GPR55: variants seen among roughly 807,000 people sequenced by gnomAD.
GPR55 encodes the protein G protein-coupled receptor 55, also known as G-protein coupled receptor 55.
Under a neutral mutation model 7.9 loss-of-function variants are expected in GPR55, and 6 were observed. The observed-to-expected ratio is 0.76, with a 90% confidence interval of 0.41 to 1.49. The LOEUF (loss-of-function observed/expected upper bound fraction) is 1.49. Ranked by LOEUF, GPR55 falls within the 40% of genes most tolerant of loss-of-function variation. GPR55 has a pLI of 0.01. For missense variants in GPR55, 376 were observed against 406.0 expected (o/e 0.93, Z 0.63); for synonymous variants, 183 against 166.8 (o/e 1.10, Z -0.75).
chr2:230,934,646 G>A lies in GPR55; in HGVS notation c.-134-23550C>T, dbSNP rs1407088445. On this transcript the variant is annotated intron_variant, in intron 1 of 1. Coordinates refer to the GPR55 transcript ENST00000392039. ...TGGGCAGGAGTCAGCCTCCCCTGGGGAAGATTAGCATCCGGACGCCTCGGG... is the reference window on the plus strand; with the variant it reads ...TGGGCAGGAGTCAGCCTCCCCTGGGAAAGATTAGCATCCGGACGCCTCGGG... Among the ~76,000 whole-genome samples the A allele has an allele frequency of 3.3e-5, 5 of 152,312 alleles. No individual in the cohort carries two copies. In the Middle Eastern group the frequency reaches 0.01, roughly 311 times the overall value.
rs748482833 is a variant in GPR55, at chr2:230,910,412, G to A, written c.551C>T (p.Pro184Leu). 36 of 1,613,870 alleles carry A rather than the reference G, an allele frequency of 2.2e-5. No individual in the cohort carries two copies. The highest frequency in any genetic ancestry group is 1.3e-4 in the African/African-American group (10 of 74,906). The change falls in exon 2 of 2, where the codon CCG (proline) becomes CTG (leucine). Residue 184 changes from proline (P) to leucine (L), a missense_variant. Pro to Leu is a moderately conservative substitution (Grantham distance 98, BLOSUM62 -3). Transcript: ENST00000650999. The surrounding 1 kb of genome is among the most constrained non-coding windows in gnomAD (Gnocchi z 5.4). ...DDTWSAKVFF[P>L]LEVFGFLLPM... ...AAGGAGGAAGCCAAACACCTCCAGC[G>A]GGAAGAAGACCTTGGCGCTCCAGGT...
At chr2:230,928,668 C>T (rs760239382), upstream of GPR55, 1 of 152,202 alleles carries the variant, frequency 6.6e-6, no homozygotes, top group Middle Eastern at 3.4e-3. Context: ...CCTTTGTCTC[C>T]CCTGCTGGGT....
intron 1 of GPR55, among the ~76,000 whole-genome samples, chr2:230,947,800 C>G (rs996529666): frequency 6.6e-6 from 1 of 152,108 alleles, no homozygotes; most frequent in Non-Finnish European, 1.5e-5. Context: ...CCACATCCAG[C>G]CTTTTAGTGC....
In GPR55 at chr2:230,910,594, G is replaced by A. The variant is rs780921301; in HGVS notation, c.369C>T (p.Ile123=). 1.2e-6 allele frequency: 2 copies of A among 1,613,896 alleles called. No individual in the cohort carries two copies. The highest frequency in any genetic ancestry group is 2.2e-5 in the East Asian group (1 of 44,898). Residue 123 remains isoleucine, a synonymous_variant, in exon 2 of 2, where the codon ATC becomes ATT. Coordinates refer to ENST00000650999, the MANE Select transcript of GPR55 (RefSeq NM_005683.4). This position sits in a 1 kb window ranked among gnomAD's most constrained non-coding sequence, Gnocchi z 5.4. ...GGTGGCTCACCAGTAGCGGGTAACGGATGGCCAAGAACCGGTCCATGCTGA... is the reference window on the plus strand; with the variant it reads ...GGTGGCTCACCAGTAGCGGGTAACGAATGGCCAAGAACCGGTCCATGCTGA... The part of the protein sequence containing the change: ...CFISMDRFLA[I]RYPLLVSHLR...
chr2:230,911,046 CA>C lies in GPR55; in HGVS notation c.-85del. 1 of 1,350,582 alleles carries C rather than the reference CA, an allele frequency of 7.4e-7. No individual in the cohort carries two copies. The highest frequency in any genetic ancestry group is 1.0e-6 in the Non-Finnish European group (1 of 979,000). The allele number at this position is 1,350,582 out of a possible 1,614,324, so 83.7% of individuals were successfully genotyped here. On this transcript the variant is annotated 5_prime_UTR_variant, in exon 2 of 2. An upstream open reading frame in the 5' UTR loses its in-frame stop. Coordinates refer to ENST00000650999, the MANE Select transcript of GPR55 (RefSeq NM_005683.4). ...GGATTCAAATGACTTTGTCAAGAAT[CA>C]CAAACACCTCCCCAGCATCACACAG...
At chr2:230,936,165 C>T (rs1258011146) in intron 1 of GPR55, among the ~76,000 whole-genome samples, 2 of 152,178 alleles carry the variant, frequency 1.3e-5, no homozygotes, top group East Asian at 3.8e-4. Context: ...CAAAGGCTGG[C>T]CAGTATGTGA....
rs1690537765 is a variant in GPR55 at position 230,909,615 on chromosome 2, C to T, written c.*388G>A. 4.7e-6 allele frequency: 1 copy of T among 211,876 alleles called. No individual in the cohort carries two copies. The highest frequency in any genetic ancestry group is 9.4e-5 in the South Asian group (1 of 10,674). 13.1% of individuals were successfully genotyped at this position (211,876 alleles called of 1,614,324 possible). A position where few individuals can be genotyped will look rare whatever the true frequency, so the allele number is the denominator to read the frequency against. On this transcript the variant is annotated 3_prime_UTR_variant, in exon 2 of 2. Coordinates refer to ENST00000650999, the MANE Select transcript of GPR55 (RefSeq NM_005683.4). Reference sequence around the variant, plus strand: ...CAATAACTGACTCTCTTGGCTCCCTCCTTTACCTCTTTTCTCTCTCTCTCT... The same window carrying T: ...CAATAACTGACTCTCTTGGCTCCCTTCTTTACCTCTTTTCTCTCTCTCTCT...
intron 1 of GPR55, among the ~76,000 whole-genome samples, chr2:230,938,030 T>G (rs1213183188): frequency 6.6e-6 from 1 of 151,188 alleles, no homozygotes; most frequent in East Asian, 1.9e-4. Flanking sequence ...CATGGTGGTG[T>G]GCACCTGTGG....
intron 1 of GPR55, among the ~76,000 whole-genome samples, chr2:230,947,403 G>C (rs1459497154): frequency 6.6e-6 from 1 of 152,106 alleles, no homozygotes; most frequent in Non-Finnish European, 1.5e-5. Flanking sequence ...TAAGTTGCAA[G>C]GTATAATTGG....
intron 1 of GPR55, among the ~76,000 whole-genome samples, chr2:230,942,784 AC>A (rs34005572): frequency 6.7e-6 from 1 of 150,118 alleles, no homozygotes; most frequent in Non-Finnish European, 1.5e-5. Flanking sequence ...AGAAGAAGGA[AC>A]CCCCCACTCT....
intron 1 of GPR55, among the ~76,000 whole-genome samples, chr2:230,922,310 C>T (rs185376482): frequency 1.3e-5 from 2 of 152,138 alleles, no homozygotes; most frequent in South Asian, 2.1e-4. Flanking sequence ...TGGGGGTTTC[C>T]GTCTCATTTC....
chr2:230,949,458 A>G (rs1417405897), intron 1 of GPR55, among the ~76,000 whole-genome samples: 3 of 152,166 alleles, frequency 2.0e-5, no homozygotes, highest in Non-Finnish European at 4.4e-5. Flanking sequence ...CACCGCGCCC[A>G]TCCTGCTTTT....
chr2:230,957,598 C>T (rs1039724053), intron 1 of GPR55: 5 of 445,688 alleles, frequency 1.1e-5, no homozygotes, highest in Admixed American at 8.4e-5. Flanking sequence ...TCCCCGTGGC[C>T]GCCGCTCCGG....
chr2:230,921,549 C>T (rs3111782), intron 1 of GPR55, among the ~76,000 whole-genome samples: 21,284 of 152,230 alleles, frequency 0.14, 1,524 homozygotes, highest in Middle Eastern at 0.18. Flanking sequence ...ACAGGCTCTT[C>T]ACGTGTGAGT....
intron 1 of GPR55, among the ~76,000 whole-genome samples, chr2:230,922,130 T>C (rs1443415043): frequency 6.6e-6 from 1 of 152,216 alleles, no homozygotes; most frequent in Admixed American, 6.5e-5. Context: ...CACAGCCGTG[T>C]CTTACTGAAG....
intron 1 of GPR55, among the ~76,000 whole-genome samples, chr2:230,960,605 G>C (rs1404921879): frequency 3.9e-5 from 6 of 152,126 alleles, no homozygotes; most frequent in Admixed American, 6.5e-5. Context: ...CCGTAAGACA[G>C]CTCTCACAGT....
chr2:230,946,108 C>T (rs1196743595), intron 1 of GPR55, among the ~76,000 whole-genome samples: 1 of 152,082 alleles, frequency 6.6e-6, no homozygotes, highest in Non-Finnish European at 1.5e-5. Flanking sequence ...ATAAGCCAGA[C>T]TCAGAAAGAC....
chr2:230,911,410 T>C (rs62195308), intron 1 of GPR55, among the ~76,000 whole-genome samples: 11,554 of 152,212 alleles, frequency 0.076, 447 homozygotes, highest in Middle Eastern at 0.14. Context: ...TCAAATGCTG[T>C]TTCCAGGACT....
chr2:230,910,310 C>A lies in GPR55; in HGVS notation c.653G>T (p.Trp218Leu), dbSNP rs748904849. 5.6e-6 allele frequency: 9 copies of A among 1,613,916 alleles called. No homozygotes were observed. The highest frequency in any genetic ancestry group is 7.6e-6 in the Non-Finnish European group (9 of 1,179,966). ...GTAGATGCAGGCTTTCTGCTGCACC[C>A]AGTCCTGGGTGTGGTCTCGGCGGCC... ...LLGRRDHTQDWVQQKACIYSI... is the reference protein window; with the variant it reads ...LLGRRDHTQDLVQQKACIYSI... The change falls in exon 2 of 2, where the codon TGG (tryptophan) becomes TTG (leucine). Residue 218 changes from tryptophan to leucine, a missense_variant. By Grantham distance (61) the Trp-to-Leu change is moderately conservative (BLOSUM62 -2). Coordinates refer to ENST00000650999, the MANE Select transcript of GPR55 (RefSeq NM_005683.4). The surrounding 1 kb of genome is among the most constrained non-coding windows in gnomAD (Gnocchi z 5.4).
Sources: gnomAD v4.1 joint callset for allele counts (sites outside exome capture counted in the v4.1 genomes callset) on GRCh38, gnomAD v4.1.1 for gene constraint, Gnocchi (gnomAD v3.1) non-coding constraint, MANE v1.5 for transcripts, NCBI Gene and HGNC (gene_info 2026-07-23, HGNC 2026-07-21) for gene names.